Variants in RGS9 observed in about 807,000 individuals in gnomAD.
The protein encoded by RGS9 is regulator of G protein signaling 9, also known as regulator of G-protein signalling 9.
A neutral mutation model predicts 102.0 loss-of-function variants in RGS9; 78 were observed. That is an observed-to-expected ratio of 0.76 (90% CI 0.64 to 0.92). The LOEUF is 0.92. Among genes scored for constraint, RGS9 ranks in the 40% least tolerant of loss-of-function variants. The pLI, the probability that RGS9 is intolerant of heterozygous loss-of-function variation, is 0.00. For synonymous variants in RGS9, 353 were observed against 318.6 expected (o/e 1.11, Z -1.15); for missense variants, 833 against 866.1 (o/e 0.96, Z 0.48).
At chr17:65,159,766 G>T (rs933671615) in intron 3 of RGS9, among the ~76,000 whole-genome samples, 32 of 152,220 alleles carry the variant, frequency 2.1e-4, no homozygotes, top group Admixed American at 2.1e-3. Flanking sequence ...GACCCGAGAT[G>T]CAGGCAGAGG....
rs1910660011 is a variant in RGS9, at chr17:65,153,519, G to A, written c.154+1G>A. ...ACCAGCGTTCCTCATGCCATGACAG[G>A]TGATGTAGCTTGCACTTTAGTCTTG... is the stretch of plus-strand genomic sequence containing the variant. On this transcript the variant is annotated splice_donor_variant, in intron 2 of 18. Transcript: ENST00000262406. LOFTEE classifies it high-confidence loss of function. The A allele has an allele frequency of 6.2e-7, 1 of 1,611,860 alleles. No individual in the cohort carries two copies. The highest frequency in any genetic ancestry group is 8.5e-7 in the Non-Finnish European group (1 of 1,177,884).
chr17:65,143,748 T>G (rs1307081692), intron 1 of RGS9, among the ~76,000 whole-genome samples: 1 of 148,718 alleles, frequency 6.7e-6, no homozygotes, highest in Non-Finnish European at 1.5e-5. Flanking sequence ...GAGCCGAGAT[T>G]GTGCCACTGC....
chr17:65,151,304 C>T lies in RGS9; in HGVS notation c.58-2118C>T, dbSNP rs142072805. On this transcript the variant is annotated intron_variant, in intron 1 of 18. Transcript: ENST00000262406. ...CGGTTGCAGTGAGCCAAGATCGTGC[C>T]ACTGCATTCCAGCCTGGGCGACAGA... is the stretch of plus-strand genomic sequence containing the variant. Among the ~76,000 whole-genome samples the T allele has an allele frequency of 2.7e-3, 410 of 150,678 alleles. 2 individuals carry two copies. Among genetic ancestry groups the T allele is most frequent in the African/African-American group, 9.4e-3 (383 of 40,958 alleles).
intron 9 of RGS9, among the ~76,000 whole-genome samples, chr17:65,184,917 T>C (rs1912051502): frequency 6.6e-6 from 1 of 151,370 alleles, no homozygotes; most frequent in South Asian, 2.1e-4. Context: ...TCACCCAGGC[T>C]CCAGTGCAGT....
intron 13 of RGS9, 142 bp downstream of exon 13, chr17:65,197,383 A>G: frequency 1.5e-6 from 1 of 685,348 alleles, no homozygotes; most frequent in Non-Finnish European, 2.6e-6. Context: ...TTCCTTTCAC[A>G]GCTTTAAGAA....
Position 65,160,258 on chromosome 17 carries a change from T to C in RGS9, c.231T>C (p.Ile77=). ...AGGCACAGAACTTGGGCAACTTTAT[T>C]GTCAGGTATGGCTACATTTACCCCC... ...SLEAQNLGNF[I]VRYGYIYPLQ... is the part of the protein sequence containing the mutation. The change falls in exon 4 of 19, where the codon ATT becomes ATC. Residue 77 remains isoleucine, a synonymous_variant. Coordinates refer to ENST00000262406, the MANE Select transcript of RGS9 (RefSeq NM_003835.4). The C allele has an allele frequency of 1.2e-6, 2 of 1,614,176 alleles. No individual in the cohort carries two copies. The highest frequency in any genetic ancestry group is 1.7e-6 in the Non-Finnish European group (2 of 1,179,998).
At chr17:65,190,984 A>G (rs1431428396) in intron 11 of RGS9, among the ~76,000 whole-genome samples, 1 of 152,138 alleles carries the variant, frequency 6.6e-6, no homozygotes, top group African/African-American at 2.4e-5. Flanking sequence ...CCTTCCTTCA[A>G]TATGTTTAAG....
At chr17:65,225,557 G>T in intron 18 of RGS9, 71 bp downstream of exon 18, 2 of 1,594,728 alleles carry the variant, frequency 1.3e-6, no homozygotes, top group Non-Finnish European at 1.7e-6. Context: ...ATGTGAATAT[G>T]CATGCTTTGG....
Position 65,164,558 on chromosome 17 carries a change from G to A in RGS9, c.500+1469G>A, listed in dbSNP as rs186454677. 2.6e-5 allele frequency among the ~76,000 whole-genome samples: 4 copies of A among 152,344 alleles called. No individual in the cohort carries two copies. In the East Asian group the frequency reaches 5.8e-4, roughly 22 times the overall value. The stretch of plus-strand genomic sequence containing the variant: ...CTGGTGCTCAGCTGGGCTGGATGGG[G>A]AAGACCTGATTCTCACCCAGCAGCC... On this transcript the variant is annotated intron_variant, in intron 7 of 18. Coordinates refer to ENST00000262406, the MANE Select transcript of RGS9 (RefSeq NM_003835.4).
At chr17:65,144,074 G>A (rs562332987) in intron 1 of RGS9, among the ~76,000 whole-genome samples, 1 of 152,186 alleles carries the variant, frequency 6.6e-6, no homozygotes, top group Non-Finnish European at 1.5e-5. Context: ...GCACTGGTTA[G>A]GGCATGGTGC....
chr17:65,207,116 C>T (rs1459170766), intron 15 of RGS9, among the ~76,000 whole-genome samples: 2 of 152,176 alleles, frequency 1.3e-5, no homozygotes, highest in Non-Finnish European at 2.9e-5. Context: ...TAACTGGACT[C>T]TACGCGTTGG....
At chr17:65,204,433 A>G (rs1912971042) in intron 15 of RGS9, 132 bp downstream of exon 15, 4 of 1,064,408 alleles carry the variant, frequency 3.8e-6, no homozygotes, top group South Asian at 2.7e-5. Context: ...GCATGCAGCT[A>G]AGCATGGGGG....
Position 65,169,595 on chromosome 17 carries a change from T to G in RGS9, c.582+1314T>G, listed in dbSNP as rs144356085. Among the ~76,000 whole-genome samples, 12 of 152,302 alleles carry G rather than the reference T, an allele frequency of 7.9e-5. No homozygotes were observed. In the East Asian group the frequency reaches 2.3e-3, roughly 29 times the overall value. On this transcript the variant is annotated intron_variant, in intron 8 of 18. Coordinates refer to ENST00000262406, the MANE Select transcript of RGS9 (RefSeq NM_003835.4). The stretch of plus-strand genomic sequence containing the variant: ...TACCTGAGGGTAGGTAAAGAACGGC[T>G]TCTATATTATGTGCAGAGACTCCTC...
intron 10 of RGS9, 114 bp from the exon 11 acceptor site, chr17:65,190,061 G>T: frequency 1.2e-6 from 1 of 852,634 alleles, no homozygotes; most frequent in Non-Finnish European, 2.0e-6. Context: ...CTGGCTCTGG[G>T]CATGGAACGG....
intron 3 of RGS9, among the ~76,000 whole-genome samples, chr17:65,159,174 G>A (rs1766936296): frequency 2.1e-5 from 3 of 143,092 alleles, no homozygotes; most frequent in Admixed American, 7.3e-5. Flanking sequence ...CTGCCCGCCA[G>A]AGAACAACCC....
rs906522993 is a variant in RGS9, at chr17:65,162,619, C to T, written c.424-394C>T. Among the ~76,000 whole-genome samples, 6 of 151,032 alleles carry T rather than the reference C, an allele frequency of 4.0e-5. No individual in the cohort carries two copies. The East Asian group carries it at 8.3e-4, about 21-fold the overall frequency. ...CTGGGACTACAGGCACCCGCCACCA[C>T]GCCTGGCTAATTTTTTGTATTTTTT... On this transcript the variant is annotated intron_variant, in intron 6 of 18. Coordinates refer to ENST00000262406, the MANE Select transcript of RGS9 (RefSeq NM_003835.4).
At chr17:65,219,150 AG>A (rs1913612730) in intron 17 of RGS9, among the ~76,000 whole-genome samples, 1 of 152,198 alleles carries the variant, frequency 6.6e-6, no homozygotes, top group Non-Finnish European at 1.5e-5. Context: ...CTAGGGACTC[AG>A]GGCTGTGTGC....
chr17:65,158,206 G>A (rs12452228), intron 2 of RGS9, 89 bp from the exon 3 acceptor site: 123,027 of 1,214,236 alleles, frequency 0.1, 8,355 homozygotes, highest in African/African-American at 0.29. Flanking sequence ...GCAGCTGAAC[G>A]GGAAGGAGAC....
At chr17:65,169,899 C>T (rs1258462140) in intron 8 of RGS9, among the ~76,000 whole-genome samples, 2 of 151,966 alleles carry the variant, frequency 1.3e-5, no homozygotes, top group African/African-American at 4.8e-5. Context: ...TCCCTGACCT[C>T]TACCACCTCT....
Sources: gnomAD v4.1 joint callset for allele counts (sites outside exome capture counted in the v4.1 genomes callset) on GRCh38, gnomAD v4.1.1 for gene constraint, MANE v1.5 for transcripts, NCBI Gene and HGNC (gene_info 2026-07-23, HGNC 2026-07-21) for gene names.